Variants in CEP170 observed in about 807,000 individuals in gnomAD.
CEP170 encodes the protein centrosomal protein of 170 kDa.
CEP170 carries 21 observed loss-of-function variants against 151.9 expected under a neutral mutation model. The observed-to-expected ratio is 0.14, with a 90% CI of 0.10 to 0.20. The LOEUF (loss-of-function observed/expected upper bound fraction) is 0.20. Among genes scored for constraint, CEP170 ranks in the 10% least tolerant of loss-of-function variants. The probability of loss-of-function intolerance (pLI) is 1.00; values close to 1 mark genes in which losing one functional copy is unlikely to be tolerated. For missense variants in CEP170, 964 were observed against 1,892.9 expected (o/e 0.51, Z 9.11); for synonymous variants, 356 against 648.8 (o/e 0.55, Z 6.86).
At chr1:243,254,021 C>T (rs1385040328) in intron 1 of CEP170, among the ~76,000 whole-genome samples, 2 of 152,024 alleles carry the variant, frequency 1.3e-5, no homozygotes, top group African/African-American at 2.4e-5. Flanking sequence ...AATGCATTAC[C>T]TGCCCAATGA....
chr1:243,175,294 A>T (rs1286930764), intron 10 of CEP170: 3 of 152,258 alleles, frequency 2.0e-5, no homozygotes, highest in Admixed American at 1.3e-4. Context: ...AAAGCATCAG[A>T]GACAGCTATA....
chr1:243,218,291 C>A (rs1485637551), intron 3 of CEP170, among the ~76,000 whole-genome samples: 1 of 152,170 alleles, frequency 6.6e-6, no homozygotes, highest in Non-Finnish European at 1.5e-5. Context: ...CTGATGGGGG[C>A]AGTCCAGTAA....
At chr1:243,237,131 T>C (rs1417788598) in intron 1 of CEP170, among the ~76,000 whole-genome samples, 1 of 152,194 alleles carries the variant, frequency 6.6e-6, no homozygotes, top group Non-Finnish European at 1.5e-5. Flanking sequence ...AGTGAATATA[T>C]CACTAACACA....
rs1558566114 is a variant in CEP170, at chr1:243,199,049, GATT to G, written c.631+8_631+10del. ...ATCCACTTAATGTCACAGTGACTGA[GATT>G]TTTTTACCTGATGTTCCAGCTTCAT... On this transcript the variant is annotated splice_region_variant and intron_variant, in intron 7 of 19. Transcript: ENST00000366542. 3.8e-6 allele frequency: 6 copies of G among 1,598,914 alleles called. No homozygotes were observed. In the Admixed American group the frequency reaches 5.1e-5, roughly 14 times the overall value.
intron 1 of CEP170, among the ~76,000 whole-genome samples, chr1:243,231,188 ATCAT>A (rs748798528): frequency 8.1e-6 from 1 of 123,160 alleles, no homozygotes; most frequent in Non-Finnish European, 1.7e-5. Context: ...CATCATCATC[ATCAT>A]TATTATTATT....
chr1:243,211,813 A>T, intron 4 of CEP170, 73 bp downstream of exon 4: 2 of 1,520,718 alleles, frequency 1.3e-6, no homozygotes, highest in East Asian at 2.4e-5. Context: ...ATTGTGTTTT[A>T]AAAATGTTAA....
Position 243,156,370 on chromosome 1 carries a change from A to G in CEP170, c.3762T>C (p.His1254=). 4 of 1,571,496 alleles carry G rather than the reference A, an allele frequency of 2.5e-6. No individual in the cohort carries two copies. The highest frequency in any genetic ancestry group is 3.5e-6 in the Non-Finnish European group (4 of 1,157,818). ...EFGSNRNSPK[H]TRLRTSPALK... is the part of the protein sequence containing the mutation. ...GGGCTGGAGAAGTACGTAGACGGGT[A>G]TGTTTAGGGGAATTACGGTTTGATC... The change falls in exon 14 of 20, where the codon CAT becomes CAC. Residue 1254 remains histidine (H), a synonymous_variant. Coordinates refer to ENST00000366542, the MANE Select transcript of CEP170 (RefSeq NM_014812.3).
chr1:243,200,410 A>G (rs1346505758), intron 6 of CEP170, 108 bp downstream of exon 6: 1 of 1,215,430 alleles, frequency 8.2e-7, no homozygotes, highest in African/African-American at 1.5e-5. Context: ...TGAAATTATC[A>G]CTATTATAAA....
intron 12 of CEP170, chr1:243,168,445 T>A (rs1330633494): frequency 6.6e-6 from 1 of 152,024 alleles, no homozygotes; most frequent in African/African-American, 2.4e-5. Context: ...ATAAGTTTTT[T>A]AATTGTTTAT....
intron 4 of CEP170, among the ~76,000 whole-genome samples, chr1:243,208,127 A>G (rs1290614621): frequency 6.6e-6 from 1 of 151,962 alleles, no homozygotes; most frequent in African/African-American, 2.4e-5. Flanking sequence ...CTTACTCTAC[A>G]TCCAGTCTAA....
chr1:243,166,491 T>C (rs909163016), intron 12 of CEP170: 3 of 187,210 alleles, frequency 1.6e-5, no homozygotes, highest in African/African-American at 7.1e-5. Context: ...CAATCCTCAG[T>C]TGAATTCACA....
intron 3 of CEP170, 115 bp from the exon 4 acceptor site, chr1:243,212,079 A>G (rs2061858043): frequency 2.6e-6 from 3 of 1,146,398 alleles, no homozygotes; most frequent in Non-Finnish European, 2.3e-6. Flanking sequence ...GGTGGCTAAT[A>G]CAGCCTGAGT....
Position 243,166,088 on chromosome 1 carries a change from T to C in CEP170, c.1872A>G (p.Thr624=). ...NETEISESGM[T]VRSTGSATSL... ...AAGTTGCAGAGCCAGTACTTCTCACTGTCATGCCAGACTCACTGATCTCTG... is the reference window on the plus strand; with the variant it reads ...AAGTTGCAGAGCCAGTACTTCTCACCGTCATGCCAGACTCACTGATCTCTG... Residue 624 remains threonine, a synonymous_variant, in exon 13 of 20, where the codon ACA becomes ACG. Transcript: ENST00000366542. 2 of 1,612,966 alleles carry C rather than the reference T, an allele frequency of 1.2e-6. No individual in the cohort carries two copies. The highest frequency in any genetic ancestry group is 1.7e-6 in the Non-Finnish European group (2 of 1,179,414).
chr1:243,233,462 G>A (rs1291377481), intron 1 of CEP170, among the ~76,000 whole-genome samples: 5 of 152,092 alleles, frequency 3.3e-5, no homozygotes, highest in Admixed American at 1.3e-4. Flanking sequence ...GGCCAGGCGC[G>A]GTGGCTCACG....
At chr1:243,216,060 TTA>T (rs1265927669) in intron 3 of CEP170, among the ~76,000 whole-genome samples, 1 of 150,134 alleles carries the variant, frequency 6.7e-6, no homozygotes, top group Non-Finnish European at 1.5e-5. Context: ...ATACTGAGAG[TTA>T]AGGGCCTAGA....
In CEP170 at chr1:243,154,100, G is replaced by T. The variant is rs559717953; in HGVS notation, c.3911+2121C>A. 5.3e-5 allele frequency among the ~76,000 whole-genome samples: 8 copies of T among 152,292 alleles called. No homozygotes were observed. The South Asian group carries it at 1.0e-3, about 20-fold the overall frequency. ...CATATTCTAAATGGAGCTTGCTTTT[G>T]TGCTTTAAATTTAAATGCAGGTAAA... On this transcript the variant is annotated intron_variant, in intron 14 of 19. Transcript: ENST00000366542.
intron 3 of CEP170, among the ~76,000 whole-genome samples, chr1:243,216,040 C>A (rs1044585574): frequency 6.6e-6 from 1 of 151,614 alleles, no homozygotes; most frequent in Non-Finnish European, 1.5e-5. Context: ...TGATGACTAT[C>A]TTTACTGGCA....
intron 4 of CEP170, 130 bp from the exon 5 acceptor site, chr1:243,200,965 A>C: frequency 3.6e-6 from 3 of 834,448 alleles, no homozygotes; most frequent in Non-Finnish European, 5.4e-6. Context: ...TTTCCCCTGA[A>C]TAGTTAAATA....
intron 11 of CEP170, among the ~76,000 whole-genome samples, chr1:243,170,885 A>C (rs990715536): frequency 6.6e-6 from 1 of 152,186 alleles, no homozygotes; most frequent in Non-Finnish European, 1.5e-5. Context: ...ATCCCATCCA[A>C]GGTTTTCTGT....
Sources: allele counts gnomAD v4.1 joint callset (sites outside exome capture counted in the v4.1 genomes callset), GRCh38; gene constraint gnomAD v4.1.1; transcripts MANE v1.5; gene names NCBI Gene and HGNC (gene_info 2026-07-23, HGNC 2026-07-21).